PTPRN2: variants seen among roughly 807,000 people sequenced by gnomAD.
The protein encoded by PTPRN2 is protein tyrosine phosphatase receptor type N2, also known as receptor-type tyrosine-protein phosphatase N2.
Under a neutral mutation model 118.8 loss-of-function variants are expected in PTPRN2, and 74 were observed. The ratio of observed to expected loss-of-function variants is 0.62; its 90% CI spans 0.52 to 0.76. The LOEUF is 0.76. Among genes scored for constraint, PTPRN2 ranks in the 30% least tolerant of loss-of-function variants. The pLI is 0.00. For synonymous variants in PTPRN2, 641 were observed against 608.0 expected, an observed-to-expected ratio of 1.05 and a Z score of -0.80; for missense variants, 1,481 against 1,394.4, an observed-to-expected ratio of 1.06 and a Z score of -0.99.
intron 2 of PTPRN2, among the ~76,000 whole-genome samples, chr7:158,413,592 G>A (rs541306515): frequency 3.3e-5 from 5 of 152,346 alleles, no homozygotes; most frequent in South Asian, 2.1e-4. Context: ...AGGCCTGAAC[G>A]GGAAAGCCCC....
intron 12 of PTPRN2, among the ~76,000 whole-genome samples, chr7:157,821,339 G>A (rs1428533764): frequency 2.0e-5 from 3 of 152,196 alleles, no homozygotes; most frequent in Non-Finnish European, 4.4e-5. Flanking sequence ...TAAATTCAGG[G>A]TCAATTCACT....
chr7:157,844,167 C>G lies in PTPRN2; in HGVS notation c.1788+54506G>C, dbSNP rs575804768. ...GGGTGTGGAACGCAGGCCTTTTGAA[C>G]ATAGGAGTGTGCAAGCCCCACACAC... is the stretch of plus-strand genomic sequence containing the variant. On this transcript the variant is annotated intron_variant, in intron 12 of 22. Coordinates refer to ENST00000389418, the MANE Select transcript of PTPRN2 (RefSeq NM_002847.5). Among the ~76,000 whole-genome samples the G allele has an allele frequency of 5.9e-5, 9 of 152,270 alleles. 1 individual carries two copies. The East Asian group carries it at 1.5e-3, about 26-fold the overall frequency.
chr7:157,838,378 TCTG>T (rs1808134363), intron 12 of PTPRN2, among the ~76,000 whole-genome samples: 1 of 147,890 alleles, frequency 6.8e-6, no homozygotes, highest in Admixed American at 6.7e-5. Flanking sequence ...AAAGCTGCTC[TCTG>T]CCGTGGCTAC....
At position 157,831,104 on chromosome 7, in the gene PTPRN2, C is replaced by T. The variant is rs114136771; in HGVS notation, c.1788+67569G>A. Among the ~76,000 whole-genome samples, 3,046 of 152,294 alleles carry T rather than the reference C, an allele frequency of 0.02. 94 individuals carry two copies. Among genetic ancestry groups the T allele is most frequent in the African/African-American group, 0.069 (2,849 of 41,560 alleles). On this transcript the variant is annotated intron_variant, in intron 12 of 22. Transcript: ENST00000389418. This position sits in a 1 kb window ranked among gnomAD's most constrained non-coding sequence, Gnocchi z 4.8. ...TTTACTCTTCTTTCAACTTGTTTGA[C>T]AGTGTGGAGTTTGCAAAATAAAATT...
Position 157,585,067 on chromosome 7 carries a change from C to G in PTPRN2, c.2497-6927G>C, listed in dbSNP as rs1319621820. ...GCTTTTTTTTAGTAAACAAATATCT[C>G]AGTGTGGGATTCATTTAGGGATGAC... On this transcript the variant is annotated intron_variant, in intron 17 of 22. Transcript: ENST00000389418. This position sits in a 1 kb window ranked among gnomAD's most constrained non-coding sequence, Gnocchi z 5.2. Among the ~76,000 whole-genome samples, 1 of 152,124 alleles carries G rather than the reference C, an allele frequency of 6.6e-6. No homozygotes were observed. The highest frequency in any genetic ancestry group is 1.9e-4 in the East Asian group (1 of 5,184).
In PTPRN2 at chr7:158,415,867, A is replaced by G. The variant is rs182843587; in HGVS notation, c.163+73868T>C. ...CAGAGTAGTTCATAAATTGTCTCTA[A>G]GGATTTTCAATACCAGAGCATTCCT... is the stretch of plus-strand genomic sequence containing the variant. On this transcript the variant is annotated intron_variant, in intron 2 of 22. Coordinates refer to ENST00000389418, the MANE Select transcript of PTPRN2 (RefSeq NM_002847.5). 7.8e-3 allele frequency among the ~76,000 whole-genome samples: 1,191 copies of G among 152,350 alleles called. 5 individuals carry two copies. Among genetic ancestry groups the G allele is most frequent in the Non-Finnish European group, 0.012 (827 of 68,034 alleles).
At chr7:157,812,403 G>GGT (rs3043682) in intron 12 of PTPRN2, among the ~76,000 whole-genome samples, 24 of 152,156 alleles carry the variant, frequency 1.6e-4, no homozygotes, top group African/African-American at 5.8e-4. Flanking sequence ...AGGTGAGGGA[G>GGT]GAGGGTGGGA....
rs372610880 is a variant in PTPRN2 at position 158,280,012 on chromosome 7, C to T, written c.277+36807G>A. 1.1e-4 allele frequency among the ~76,000 whole-genome samples: 17 copies of T among 151,940 alleles called. 1 individual carries two copies. In the South Asian group the frequency reaches 1.7e-3, roughly 15 times the overall value. On this transcript the variant is annotated intron_variant, in intron 3 of 22. Transcript: ENST00000389418. ...GGCCCCCACGCCCCACCGCTGCCCC[C>T]GAACCCACAGAGCCCCGCGGCGGCC...
At chr7:157,818,278 G>C (rs529041021) in intron 12 of PTPRN2, among the ~76,000 whole-genome samples, 2 of 152,078 alleles carry the variant, frequency 1.3e-5, no homozygotes, top group Non-Finnish European at 2.9e-5. Flanking sequence ...GGTAGATGCC[G>C]GCAGTGTGTT....
chr7:157,723,217 T>A (rs1007500346), intron 12 of PTPRN2, among the ~76,000 whole-genome samples: 3 of 152,186 alleles, frequency 2.0e-5, no homozygotes, highest in African/African-American at 7.2e-5. Flanking sequence ...CCTGACGGAC[T>A]GTCCCCTTGC....
chr7:158,098,714 A>C (rs1814892326), intron 10 of PTPRN2, among the ~76,000 whole-genome samples: 1 of 152,152 alleles, frequency 6.6e-6, no homozygotes, highest in Non-Finnish European at 1.5e-5. Flanking sequence ...GGGGACTGGA[A>C]GAAGAAGGAC....
intron 2 of PTPRN2, among the ~76,000 whole-genome samples, chr7:158,448,068 T>C (rs1434330187): frequency 2.6e-5 from 4 of 152,156 alleles, no homozygotes; most frequent in Non-Finnish European, 5.9e-5. Flanking sequence ...AAGCCCAGCA[T>C]GGCGTGCCCC....
intron 12 of PTPRN2, among the ~76,000 whole-genome samples, chr7:157,849,110 T>C (rs1809086878): frequency 6.6e-6 from 1 of 152,194 alleles, no homozygotes; most frequent in Admixed American, 6.5e-5. Context: ...CAGGTCCTTC[T>C]CAGTTCCCAC....
intron 10 of PTPRN2, among the ~76,000 whole-genome samples, chr7:158,092,588 T>A (rs1202614599): frequency 6.6e-6 from 1 of 152,178 alleles, no homozygotes; most frequent in Admixed American, 6.5e-5. Context: ...ACCTTTCCCA[T>A]CTTGTGGGCT....
intron 12 of PTPRN2, among the ~76,000 whole-genome samples, chr7:157,759,035 G>A (rs1024162227): frequency 1.3e-5 from 2 of 152,190 alleles, no homozygotes; most frequent in African/African-American, 2.4e-5. Context: ...AAATAATTCC[G>A]ACGTTTCAAG....
chr7:158,119,416 T>C (rs192992478), intron 9 of PTPRN2, among the ~76,000 whole-genome samples: 1 of 152,334 alleles, frequency 6.6e-6, no homozygotes, highest in East Asian at 1.9e-4. Context: ...TTGGAACTCC[T>C]GTGCCTTGTT....
chr7:158,433,664 A>T (rs1816379778), intron 2 of PTPRN2, among the ~76,000 whole-genome samples: 1 of 152,042 alleles, frequency 6.6e-6, no homozygotes. Flanking sequence ...GGTTTTGTTC[A>T]TTCTCTCTAC....
chr7:158,012,963 G>T (rs1306691226), intron 11 of PTPRN2, among the ~76,000 whole-genome samples: 1 of 152,184 alleles, frequency 6.6e-6, no homozygotes, highest in African/African-American at 2.4e-5. Context: ...ACATCTCCAT[G>T]GAGAGTGGAG....
At chr7:157,661,081 G>A (rs1436456293) in intron 13 of PTPRN2, among the ~76,000 whole-genome samples, 2 of 152,256 alleles carry the variant, frequency 1.3e-5, no homozygotes, top group Non-Finnish European at 2.9e-5. Flanking sequence ...AGCTGGACAA[G>A]CCGACATCGC....
Sources: allele counts gnomAD v4.1 joint callset (sites outside exome capture counted in the v4.1 genomes callset), GRCh38; gene constraint gnomAD v4.1.1; non-coding constraint Gnocchi (gnomAD v3.1); transcripts MANE v1.5; gene names NCBI Gene and HGNC (gene_info 2026-07-23, HGNC 2026-07-21).